The following PGM1 variants were observed in gnomAD, a reference collection of about 807,000 sequenced individuals.
PGM1 encodes phosphoglucomutase-1.
A neutral mutation model predicts 55.6 loss-of-function variants in PGM1; 52 were observed. That is an observed-to-expected ratio of 0.94 (90% confidence interval 0.75 to 1.18). The LOEUF is 1.18. Ranked by LOEUF, PGM1 falls within the 50% of genes most tolerant of loss-of-function variation. The pLI is 0.00. For synonymous variants in PGM1, 287 were observed against 271.7 expected (o/e 1.06, Z -0.55); for missense variants, 724 against 729.3 (o/e 0.99, Z 0.08).
intron 7 of PGM1, among the ~76,000 whole-genome samples, chr1:63,642,996 A>C (rs1030352982): frequency 2.0e-5 from 3 of 152,178 alleles, no homozygotes; most frequent in African/African-American, 4.8e-5. Context: ...AAGCAATAGA[A>C]GGTGAAGTAC....
chr1:63,628,068 C>G (rs1318235971), intron 1 of PGM1, among the ~76,000 whole-genome samples: 5 of 152,170 alleles, frequency 3.3e-5, no homozygotes, highest in African/African-American at 1.2e-4. Context: ...CATGATAACT[C>G]TGGACCTCAG....
At chr1:63,649,081 T>C (rs1035832170) in intron 8 of PGM1, among the ~76,000 whole-genome samples, 16 of 152,212 alleles carry the variant, frequency 1.1e-4, no homozygotes, top group Admixed American at 5.2e-4. Context: ...AAATGAATAA[T>C]GAGTCTGAAA....
At chr1:63,632,403 C>T (rs1570496622) in intron 4 of PGM1, among the ~76,000 whole-genome samples, 1 of 152,246 alleles carries the variant, frequency 6.6e-6, no homozygotes, top group Middle Eastern at 3.4e-3. Flanking sequence ...TTGGAGAAGC[C>T]TTTCTGCCTG....
chr1:63,659,627 C>A lies in PGM1; in HGVS notation c.1641C>A (p.Ser547=), dbSNP rs146597254. ...APLISIALKV[S]QLQERTGRTA... Reference sequence around the variant, plus strand: ...TTATTTCCATTGCTCTGAAAGTGTCCCAGCTGCAGGAGAGGACGGGACGCA... The same window carrying A: ...TTATTTCCATTGCTCTGAAAGTGTCACAGCTGCAGGAGAGGACGGGACGCA... The change falls in exon 11 of 11, where the codon TCC becomes TCA. Residue 547 remains serine (S), a synonymous_variant. Coordinates refer to ENST00000371084, the MANE Select transcript of PGM1 (RefSeq NM_002633.3). 1.2e-6 allele frequency: 2 copies of A among 1,613,868 alleles called. No individual in the cohort carries two copies. Among genetic ancestry groups the A allele is most frequent in the African/African-American group, 2.7e-5 (2 of 74,872 alleles).
At chr1:63,631,504 C>T (rs1290428158) in intron 3 of PGM1, among the ~76,000 whole-genome samples, 153 bp from the exon 4 acceptor site, 5 of 152,172 alleles carry the variant, frequency 3.3e-5, no homozygotes, top group African/African-American at 9.7e-5. Context: ...TAGATAGTAT[C>T]GGATATCACT....
At chr1:63,602,600 G>A (rs1648273962) in intron 1 of PGM1, among the ~76,000 whole-genome samples, 1 of 82,134 alleles carries the variant, frequency 1.2e-5, no homozygotes, top group African/African-American at 8.8e-5. Flanking sequence ...ACTCCAATGT[G>A]CTCACAAGTG....
At chr1:63,635,045 C>A (rs765502258) in intron 5 of PGM1, 26 bp downstream of exon 5, 1 of 1,598,406 alleles carries the variant, frequency 6.3e-7, no homozygotes, top group Admixed American at 1.7e-5. Flanking sequence ...TTTAAGTGAA[C>A]TCTGGTGCAG....
rs747269880 is a variant in PGM1, at chr1:63,648,469, A to C, written c.1145-48A>C. 4 of 1,611,856 alleles carry C rather than the reference A, an allele frequency of 2.5e-6. No individual in the cohort carries two copies. The South Asian group carries it at 4.4e-5, about 18-fold the overall frequency. ...AACCATATCAAGTACCTTCTCAGGT[A>C]CTGGGAGAAAGCACGTTTCTTACAG... On this transcript the variant is annotated intron_variant, in intron 7 of 10. Transcript: ENST00000371084.
At chr1:63,618,938 A>G (rs1391750413) in intron 1 of PGM1, among the ~76,000 whole-genome samples, 1 of 151,804 alleles carries the variant, frequency 6.6e-6, no homozygotes, top group Non-Finnish European at 1.5e-5. Context: ...CAGATCCACA[A>G]CTCTTAGAGA....
chr1:63,595,695 A>G (rs1191505262), intron 1 of PGM1, among the ~76,000 whole-genome samples: 4 of 152,202 alleles, frequency 2.6e-5, no homozygotes, highest in African/African-American at 9.6e-5. Flanking sequence ...GTTGAATACC[A>G]TGTTCAGAGA....
At chr1:63,638,034 A>G (rs1649408400) in intron 6 of PGM1, among the ~76,000 whole-genome samples, 2 of 152,216 alleles carry the variant, frequency 1.3e-5, no homozygotes, top group South Asian at 4.1e-4. Flanking sequence ...CAGAGGTTTT[A>G]AATAGTTTAA....
At chr1:63,626,508 G>A (rs936639624) in intron 1 of PGM1, among the ~76,000 whole-genome samples, 3 of 151,948 alleles carry the variant, frequency 2.0e-5, no homozygotes, top group Non-Finnish European at 4.4e-5. Context: ...CACTTAGCAT[G>A]ATGTTTTCCA....
At chr1:63,596,860 C>T (rs1216881618) in intron 1 of PGM1, among the ~76,000 whole-genome samples, 1 of 152,182 alleles carries the variant, frequency 6.6e-6, no homozygotes, top group Non-Finnish European at 1.5e-5. Flanking sequence ...ATCTGCAATG[C>T]CTAGGACTAT....
intron 8 of PGM1, among the ~76,000 whole-genome samples, chr1:63,650,837 G>A (rs1649788595): frequency 6.6e-6 from 1 of 151,934 alleles, no homozygotes; most frequent in Non-Finnish European, 1.5e-5. Context: ...CTTCTGTCAG[G>A]GTGAACCCAA....
chr1:63,602,503 A>C (rs1488884325), intron 1 of PGM1, among the ~76,000 whole-genome samples: 1 of 152,214 alleles, frequency 6.6e-6, no homozygotes, highest in Non-Finnish European at 1.5e-5. Flanking sequence ...TCAGCCCAAT[A>C]AGTATTTTCT....
At chr1:63,619,705 C>T (rs919225192) in intron 1 of PGM1, among the ~76,000 whole-genome samples, 5 of 152,168 alleles carry the variant, frequency 3.3e-5, no homozygotes, top group African/African-American at 1.2e-4. Context: ...ACTATTTCTC[C>T]AGTCTCATCC....
intron 1 of PGM1, chr1:63,623,562 A>G (rs779255474): frequency 1.9e-6 from 3 of 1,612,726 alleles, no homozygotes; most frequent in African/African-American, 2.7e-5. Context: ...ACGATCAGAA[A>G]CCAGGAACAA....
intron 1 of PGM1, 71 bp downstream of exon 1, chr1:63,593,805 C>T: frequency 1.4e-6 from 2 of 1,448,088 alleles, no homozygotes; most frequent in South Asian, 2.8e-5. Context: ...CGGCGCCCTC[C>T]CTCGCTCGGG....
intron 1 of PGM1, among the ~76,000 whole-genome samples, chr1:63,604,941 G>A (rs948683469): frequency 5.5e-5 from 8 of 145,072 alleles, no homozygotes; most frequent in African/African-American, 7.8e-5. Context: ...GTGTGTGTGT[G>A]TGTGTGTGTG....
Sources: allele counts gnomAD v4.1 joint callset (sites outside exome capture counted in the v4.1 genomes callset), GRCh38; gene constraint gnomAD v4.1.1; transcripts MANE v1.5; gene names NCBI Gene and HGNC (gene_info 2026-07-23, HGNC 2026-07-21).